Variants in PRDX6 observed in about 807,000 individuals in gnomAD.
PRDX6 encodes the protein peroxiredoxin-6.
Under a neutral mutation model 20.0 loss-of-function variants are expected in PRDX6, and 13 were observed. The ratio of observed to expected loss-of-function variants is 0.65; its 90% CI spans 0.42 to 1.03. PRDX6 has a LOEUF of 1.03. Among genes scored for constraint, PRDX6 ranks in the 50% least tolerant of loss-of-function variants. The pLI is 0.00. For missense variants in PRDX6, 203 were observed against 276.9 expected, an observed-to-expected ratio of 0.73 and a Z score of 1.89; for synonymous variants, 85 against 100.8, an observed-to-expected ratio of 0.84 and a Z score of 0.94.
rs771701957 is a variant in PRDX6 at position 173,481,341 on chromosome 1, C to T, written c.111C>T (p.Phe37=). 5.0e-6 allele frequency: 8 copies of T among 1,613,538 alleles called. No individual in the cohort carries two copies. The highest frequency in any genetic ancestry group is 6.8e-6 in the Non-Finnish European group (8 of 1,179,538). Residue 37 remains phenylalanine (F), a synonymous_variant, in exon 2 of 5, where the codon TTC becomes TTT. Coordinates refer to ENST00000340385, the MANE Select transcript of PRDX6 (RefSeq NM_004905.3). ...DFLGDSWGIL[F]SHPRDFTPVC... ...TTCCTTTCAGATGGGGCATTCTCTT[C>T]TCCCACCCTCGGGACTTTACCCCAG...
chr1:173,478,022 C>G (rs922394146), intron 1 of PRDX6, among the ~76,000 whole-genome samples: 1 of 152,198 alleles, frequency 6.6e-6, no homozygotes, highest in Non-Finnish European at 1.5e-5. Flanking sequence ...TCGGAGGACA[C>G]AGCTGCTGGC....
chr1:173,477,422 G>A lies in PRDX6; in HGVS notation c.25G>A (p.Asp9Asn), dbSNP rs377315650. MPGGLLLG[D>N]VAPNFEANTT... is the part of the protein sequence containing the mutation. ...CATGCCCGGAGGTCTGCTTCTCGGG[G>A]ACGTGGCTCCCAACTTTGAGGCCAA... Residue 9 changes from aspartate (D) to asparagine (N), a missense_variant, in exon 1 of 5, where the codon GAC becomes AAC. Physicochemically the swap from Asp to Asn is conservative, Grantham distance 23. Transcript: ENST00000340385. The A allele has an allele frequency of 8.1e-6, 13 of 1,608,582 alleles. No homozygotes were observed. Among genetic ancestry groups the A allele is most frequent in the Admixed American group, 1.7e-5 (1 of 59,532 alleles).
chr1:173,479,242 A>G (rs1658762308), intron 1 of PRDX6, among the ~76,000 whole-genome samples: 1 of 152,214 alleles, frequency 6.6e-6, no homozygotes, highest in Non-Finnish European at 1.5e-5. Context: ...AGCCATAGTT[A>G]GGAACACGGT....
intron 1 of PRDX6, among the ~76,000 whole-genome samples, chr1:173,479,321 C>A (rs754927763): frequency 2.6e-5 from 4 of 152,176 alleles, no homozygotes; most frequent in Non-Finnish European, 5.9e-5. Flanking sequence ...CCCTACCTTA[C>A]CGGGAAGAGA....
At chr1:173,478,471 G>A (rs139184031) in intron 1 of PRDX6, among the ~76,000 whole-genome samples, 1 of 151,930 alleles carries the variant, frequency 6.6e-6, no homozygotes, top group Non-Finnish European at 1.5e-5. Context: ...GATCTGACTT[G>A]GCAGTTTTAC....
Position 173,486,302 on chromosome 1 carries a change from C to T in PRDX6, c.447C>T (p.Tyr149=), listed in dbSNP as rs1348091415. ...AGAAGCTGAAGCTGTCTATCCTCTACCCAGCTACCACTGGCAGGAACTTTG... is the reference window on the plus strand; with the variant it reads ...AGAAGCTGAAGCTGTCTATCCTCTATCCAGCTACCACTGGCAGGAACTTTG... The part of the protein sequence containing the change: ...PDKKLKLSIL[Y]PATTGRNFDE... The change falls in exon 4 of 5, where the codon TAC becomes TAT. Residue 149 remains tyrosine, a synonymous_variant. Coordinates refer to ENST00000340385, the MANE Select transcript of PRDX6 (RefSeq NM_004905.3). 6.2e-7 allele frequency: 1 copy of T among 1,612,558 alleles called. No homozygotes were observed. The highest frequency in any genetic ancestry group is 8.5e-7 in the Non-Finnish European group (1 of 1,179,314).
At chr1:173,483,290 G>A (rs2101858074) in intron 2 of PRDX6, among the ~76,000 whole-genome samples, 1 of 152,302 alleles carries the variant, frequency 6.6e-6, no homozygotes, top group African/African-American at 2.4e-5. Context: ...CAGAAGCAGT[G>A]CCGCAACTTT....
chr1:173,478,161 C>T (rs1045471488), intron 1 of PRDX6, among the ~76,000 whole-genome samples: 3 of 152,198 alleles, frequency 2.0e-5, no homozygotes, highest in Non-Finnish European at 4.4e-5. Flanking sequence ...TGTCCAGAGC[C>T]GCCTCCAATG....
In PRDX6 at chr1:173,485,310, A is replaced by G. The variant is rs766705164; in HGVS notation, c.253-51A>G. On this transcript the variant is annotated intron_variant, in intron 2 of 4. Transcript: ENST00000340385. ...TGATGGCTGTTAACTGATGAAATTCAGAGCATGTGTTGGGTTTAGATTCCT... is the reference window on the plus strand; with the variant it reads ...TGATGGCTGTTAACTGATGAAATTCGGAGCATGTGTTGGGTTTAGATTCCT... 6 of 1,471,124 alleles carry G rather than the reference A, an allele frequency of 4.1e-6. No homozygotes were observed. In the African/African-American group the frequency reaches 5.7e-5, roughly 14 times the overall value. 91.1% of individuals were successfully genotyped at this position (1,471,124 alleles called of 1,614,324 possible). A position where few individuals can be genotyped will look rare whatever the true frequency, so the allele number is the denominator to read the frequency against.
intron 2 of PRDX6, among the ~76,000 whole-genome samples, chr1:173,484,653 A>C (rs1232033242): frequency 6.6e-6 from 1 of 152,076 alleles, no homozygotes; most frequent in Non-Finnish European, 1.5e-5. Flanking sequence ...AAATAAATGG[A>C]TGAATAAAGT....
At chr1:173,482,167 A>G (rs751538094) in intron 2 of PRDX6, among the ~76,000 whole-genome samples, 6 of 152,170 alleles carry the variant, frequency 3.9e-5, no homozygotes, top group Admixed American at 6.5e-5. Flanking sequence ...CAAACTTGTC[A>G]GCTCTACCTT....
In PRDX6 at chr1:173,487,875, A is replaced by C. The variant is rs1477832489; in HGVS notation, c.*12A>C. ...CACCCCAGCCTTAAGTCTCTTGGAG[A>C]AGCTGGTGCTGTGAGCCAGAGGATG... On this transcript the variant is annotated 3_prime_UTR_variant, in exon 5 of 5. Coordinates refer to ENST00000340385, the MANE Select transcript of PRDX6 (RefSeq NM_004905.3). 2.5e-6 allele frequency: 4 copies of C among 1,611,602 alleles called. No homozygotes were observed. Among genetic ancestry groups the C allele is most frequent in the Non-Finnish European group, 3.4e-6 (4 of 1,179,666 alleles).
rs75043494 is a variant in PRDX6 at position 173,486,143 on chromosome 1, T to C, written c.400-112T>C. 2.4e-3 allele frequency: 2,295 copies of C among 962,156 alleles called. 31 individuals are homozygous for C. In the African/African-American group the frequency reaches 0.031, roughly 13 times the overall value. 59.6% of individuals were successfully genotyped at this position (962,156 alleles called of 1,614,324 possible). On this transcript the variant is annotated intron_variant, in intron 3 of 4. Transcript: ENST00000340385. ...TTGGTGTATCCTTCTAGATGCTTTG[T>C]TTTTGTCTTGTTTTTATACCCTTGA...
chr1:173,486,906 G>A (rs1658911665), intron 4 of PRDX6, among the ~76,000 whole-genome samples: 1 of 152,156 alleles, frequency 6.6e-6, no homozygotes, highest in Non-Finnish European at 1.5e-5. Flanking sequence ...TCTTAACATT[G>A]CTACATTTTT....
At position 173,479,742 on chromosome 1, in the gene PRDX6, G is replaced by A. The variant is rs534067238; in HGVS notation, c.96-1584G>A. On this transcript the variant is annotated intron_variant, in intron 1 of 4. Transcript: ENST00000340385. Reference sequence around the variant, plus strand: ...AGTGCAGCAGTAGGAAGACTTGGAGGGGAAGGAAGGCCAAGGTAAGACATT... The same window carrying A: ...AGTGCAGCAGTAGGAAGACTTGGAGAGGAAGGAAGGCCAAGGTAAGACATT... Among the ~76,000 whole-genome samples the A allele has an allele frequency of 6.0e-4, 91 of 152,262 alleles. No individual in the cohort carries two copies. In the Middle Eastern group the frequency reaches 0.024, roughly 40 times the overall value.
At chr1:173,481,819 T>C (rs1400389593) in intron 2 of PRDX6, 6 of 240,344 alleles carry the variant, frequency 2.5e-5, no homozygotes, top group Admixed American at 1.5e-4. Flanking sequence ...GAAGTTACCC[T>C]GAACTTATTT....
At chr1:173,484,140 AGATATATAT>A (rs1557997380) in intron 2 of PRDX6, among the ~76,000 whole-genome samples, 9 of 92,508 alleles carry the variant, frequency 9.7e-5, no homozygotes, top group Non-Finnish European at 1.7e-4. Flanking sequence ...AAAAAAAATT[AGATATATAT>A]ATTTATATAT....
At position 173,487,792 on chromosome 1, in the gene PRDX6, T is replaced by A. The variant is rs750562566; in HGVS notation, c.604T>A (p.Phe202Ile). 1 of 1,614,158 alleles carries A rather than the reference T, an allele frequency of 6.2e-7. No individual in the cohort carries two copies. The highest frequency in any genetic ancestry group is 8.5e-7 in the Non-Finnish European group (1 of 1,180,030). The change falls in exon 5 of 5, where the codon TTC becomes ATC. Residue 202 changes from phenylalanine (F) to isoleucine (I), a missense_variant. Phe to Ile is a conservative substitution (Grantham distance 21). Coordinates refer to ENST00000340385, the MANE Select transcript of PRDX6 (RefSeq NM_004905.3). Reference sequence around the variant, plus strand: ...CCCTGAAGAAGAAGCCAAAAAACTTTTCCCGAAAGGAGTCTTCACCAAAGA... The same window carrying A: ...CCCTGAAGAAGAAGCCAAAAAACTTATCCCGAAAGGAGTCTTCACCAAAGA... Reference protein sequence around the residue: ...TIPEEEAKKLFPKGVFTKELP... With the variant: ...TIPEEEAKKLIPKGVFTKELP...
At chr1:173,483,189 C>T (rs559473410) in intron 2 of PRDX6, among the ~76,000 whole-genome samples, 5 of 152,262 alleles carry the variant, frequency 3.3e-5, no homozygotes, top group African/African-American at 7.2e-5. Flanking sequence ...AAAGGACAGA[C>T]GCATACTCAG....
Sources: allele counts gnomAD v4.1 joint callset (sites outside exome capture counted in the v4.1 genomes callset), GRCh38; gene constraint gnomAD v4.1.1; transcripts MANE v1.5; gene names NCBI Gene and HGNC (gene_info 2026-07-23, HGNC 2026-07-21).